The following ARF5 variants were observed in gnomAD, a reference collection of about 807,000 sequenced individuals.
The protein encoded by ARF5 is ADP-ribosylation factor 5.
In ARF5, 10 loss-of-function variants were observed where a neutral mutation model predicts 24.8. The ratio of observed to expected loss-of-function variants is 0.40; its 90% CI spans 0.25 to 0.68. The LOEUF (loss-of-function observed/expected upper bound fraction) is 0.68. Ranked by LOEUF, ARF5 falls within the 30% of genes least tolerant of loss-of-function variation. The pLI is 0.36. For missense variants in ARF5, 135 were observed against 239.2 expected (o/e 0.56, Z 2.87); for synonymous variants, 102 against 95.1 (o/e 1.07, Z -0.42).
Position 127,591,108 on chromosome 7 carries a change from G to C in ARF5, c.456+20G>C, listed in dbSNP as rs745770296. The C allele has an allele frequency of 6.2e-7, 1 of 1,613,240 alleles. No individual in the cohort carries two copies. On this transcript the variant is annotated intron_variant, in intron 5 of 5. Transcript: ENST00000000233. ...CGCACGGTAGGGGTCCTGCCCACCTGGTGCTGAATCCTGCCTCTTGAGGGA... is the reference window on the plus strand; with the variant it reads ...CGCACGGTAGGGGTCCTGCCCACCTCGTGCTGAATCCTGCCTCTTGAGGGA...
chr7:127,590,125 A>G lies in ARF5; in HGVS notation c.318A>G (p.Glu106=). The G allele has an allele frequency of 1.2e-6, 2 of 1,613,466 alleles. No individual in the cohort carries two copies. The highest frequency in any genetic ancestry group is 1.1e-5 in the South Asian group (1 of 91,052). ...DRERVQESAD[E]LQKMLQEDEL... ...AGCGGGTCCAAGAATCTGCTGATGA[A>G]CTCCAGAAGATGGTGAGTACCCAGA... Residue 106 remains glutamate, a synonymous_variant, in exon 4 of 6, where the codon GAA becomes GAG. Transcript: ENST00000000233.
intron 1 of ARF5, 117 bp downstream of exon 1, chr7:127,588,682 A>G (rs1309148212): frequency 2.4e-5 from 24 of 996,892 alleles, no homozygotes; most frequent in Admixed American, 4.0e-5. Flanking sequence ...CACCCACCTC[A>G]TAACGCCCCG....
chr7:127,589,826 C>G, intron 3 of ARF5: 1 of 608,050 alleles, frequency 1.6e-6, no homozygotes, highest in Non-Finnish European at 2.9e-6. Context: ...ATTTAGCCCT[C>G]ATAACATGTC....
Position 127,589,607 on chromosome 7 carries a change from G to A in ARF5, c.258+13G>A, listed in dbSNP as rs1408165429. ...CCAGAACACTCAGGTGGAGTGTTGGGAGGGGACTTTCTAACCCCACGGGAA... is the reference window on the plus strand; with the variant it reads ...CCAGAACACTCAGGTGGAGTGTTGGAAGGGGACTTTCTAACCCCACGGGAA... On this transcript the variant is annotated intron_variant, in intron 3 of 5. Transcript: ENST00000000233. 1.9e-6 allele frequency: 3 copies of A among 1,594,684 alleles called. No homozygotes were observed. Among genetic ancestry groups the A allele is most frequent in the Non-Finnish European group, 2.6e-6 (3 of 1,165,092 alleles).
At chr7:127,591,157 T>A in intron 5 of ARF5, 56 bp from the exon 6 acceptor site, 15 of 1,608,662 alleles carry the variant, frequency 9.3e-6, no homozygotes, top group Non-Finnish European at 1.3e-5. Context: ...GACAGAGATA[T>A]AAAGGCATTC....
Position 127,589,531 on chromosome 7 carries a change from C to G in ARF5, c.195C>G (p.Val65=), listed in dbSNP as rs1351169361. ...AATATAAGAACATCTGTTTCACAGT[C>G]TGGGACGTGGGAGGCCAGGACAAGA... ...TVEYKNICFT[V]WDVGGQDKIR... Residue 65 remains valine (V), a synonymous_variant, in exon 3 of 6, where the codon GTC becomes GTG. Transcript: ENST00000000233. 6.2e-7 allele frequency: 1 copy of G among 1,613,878 alleles called. No homozygotes were observed. Among genetic ancestry groups the G allele is most frequent in the Non-Finnish European group, 8.5e-7 (1 of 1,179,992 alleles).
chr7:127,589,132 G>A lies in ARF5; in HGVS notation c.117G>A (p.Leu39=). The A allele has an allele frequency of 6.2e-7, 1 of 1,614,210 alleles. No homozygotes were observed. The highest frequency in any genetic ancestry group is 8.5e-7 in the Non-Finnish European group (1 of 1,180,040). Residue 39 remains leucine, a synonymous_variant, in exon 2 of 6, where the codon TTG becomes TTA. Transcript: ENST00000000233. ...CCACAATCCTGTACAAACTGAAGTT[G>A]GGGGAGATTGTCACCACCATCCCAA... ...GKTTILYKLK[L]GEIVTTIPTI...
intron 3 of ARF5, 121 bp downstream of exon 3, chr7:127,589,715 C>G: frequency 1.4e-6 from 1 of 735,646 alleles, no homozygotes; most frequent in Non-Finnish European, 2.2e-6. Flanking sequence ...CACTTCTACC[C>G]CTTCTGTTTG....
At chr7:127,588,635 C>G in intron 1 of ARF5, 70 bp downstream of exon 1, 1 of 1,258,390 alleles carries the variant, frequency 7.9e-7, no homozygotes. Context: ...CCCCCGCGTC[C>G]CTCCAGCCCC....
chr7:127,591,316 C>T lies in ARF5; in HGVS notation c.*17C>T, dbSNP rs1259925624. The T allele has an allele frequency of 2.5e-6, 4 of 1,568,944 alleles. No homozygotes were observed. Among genetic ancestry groups the T allele is most frequent in the Admixed American group, 4.0e-5 (2 of 49,742 alleles). On this transcript the variant is annotated 3_prime_UTR_variant, in exon 6 of 6. Transcript: ENST00000000233. ...AAGCGCTAACCAGCCAGGGGCAGGC[C>T]CCTGATGCCCGGAAGCTCCTGCGTG...
intron 1 of ARF5, 148 bp downstream of exon 1, chr7:127,588,713 G>C: frequency 1.2e-6 from 1 of 838,938 alleles, no homozygotes; most frequent in Non-Finnish European, 1.7e-6. Context: ...TCTCGGGCGG[G>C]TCCCGGTCTG....
In ARF5 at chr7:127,589,182, C is replaced by A. The variant is rs1794248418; in HGVS notation, c.148+19C>A. 6.2e-7 allele frequency: 1 copy of A among 1,613,586 alleles called. No individual in the cohort carries two copies. Among genetic ancestry groups the A allele is most frequent in the African/African-American group, 1.3e-5 (1 of 74,942 alleles). On this transcript the variant is annotated intron_variant, in intron 2 of 5. Transcript: ENST00000000233. ...ACCATAGGTGAGCCCGGGGACGAAGCAGGGAGCGGGAGCGCCGCGGCGGGC... is the reference window on the plus strand; with the variant it reads ...ACCATAGGTGAGCCCGGGGACGAAGAAGGGAGCGGGAGCGCCGCGGCGGGC...
Position 127,588,585 on chromosome 7 carries a change from C to A in ARF5, c.67+20C>A, listed in dbSNP as rs1372922100. 7.3e-7 allele frequency: 1 copy of A among 1,364,786 alleles called. No individual in the cohort carries two copies. Among genetic ancestry groups the A allele is most frequent in the Non-Finnish European group, 9.6e-7 (1 of 1,046,246 alleles). The allele number at this position is 1,364,786 out of a possible 1,614,324, so 84.5% of individuals were successfully genotyped here. On this transcript the variant is annotated intron_variant, in intron 1 of 5. Transcript: ENST00000000233. ...TCATGGGTGAGGCAGATCGAGCGCG[C>A]GGCCCGGACCGGGGCGCCGGCCCCG... is the stretch of plus-strand genomic sequence containing the variant.
At chr7:127,591,135 G>A (rs1794281676) in intron 5 of ARF5, 47 bp downstream of exon 5, 1 of 1,611,376 alleles carries the variant, frequency 6.2e-7, no homozygotes, top group Non-Finnish European at 8.5e-7. Flanking sequence ...CTTGAGGGAA[G>A]CTGCAGGCTG....
chr7:127,588,681 CAT>C, intron 1 of ARF5, 116 bp downstream of exon 1: 1 of 1,003,928 alleles, frequency 1.0e-6, no homozygotes, highest in Non-Finnish European at 1.3e-6. Flanking sequence ...TCACCCACCT[CAT>C]AACGCCCCGG....
chr7:127,589,851 C>T (rs1169041396), intron 3 of ARF5: 5 of 609,472 alleles, frequency 8.2e-6, no homozygotes, highest in Non-Finnish European at 1.4e-5. Flanking sequence ...TTTCCTTGCA[C>T]ATCTTTGGAT....
intron 3 of ARF5, chr7:127,589,818 T>G: frequency 3.3e-6 from 2 of 608,324 alleles, no homozygotes; most frequent in South Asian, 2.0e-5. Context: ...GCTGCCTGAT[T>G]TAGCCCTCAT....
chr7:127,591,127 T>G, intron 5 of ARF5, 39 bp downstream of exon 5: 3 of 1,612,290 alleles, frequency 1.9e-6, no homozygotes, highest in South Asian at 2.2e-5. Flanking sequence ...TCCTGCCTCT[T>G]GAGGGAAGCT....
intron 3 of ARF5, chr7:127,589,849 C>G: frequency 3.3e-6 from 2 of 609,240 alleles, no homozygotes; most frequent in Non-Finnish European, 2.9e-6. Flanking sequence ...TATTTCCTTG[C>G]ACATCTTTGG....
Sources: allele counts gnomAD v4.1 joint callset, GRCh38; gene constraint gnomAD v4.1.1; transcripts MANE v1.5; gene names NCBI Gene and HGNC (gene_info 2026-07-23, HGNC 2026-07-21).